Variants in DIDO1 observed in about 807,000 individuals in gnomAD.
The protein encoded by DIDO1 is death inducer-obliterator 1.
A neutral mutation model predicts 99.4 loss-of-function variants in DIDO1; 16 were observed. The observed-to-expected ratio is 0.16, with a 90% CI of 0.11 to 0.24. The LOEUF (loss-of-function observed/expected upper bound fraction) is 0.24. Ranked by LOEUF, DIDO1 falls within the 10% of genes least tolerant of loss-of-function variation. The probability of loss-of-function intolerance (pLI) is 1.00; values close to 1 mark genes in which losing one functional copy is unlikely to be tolerated. For synonymous variants in DIDO1, 1,366 were observed against 1,239.1 expected, an observed-to-expected ratio of 1.10 and a Z score of -2.15; for missense variants, 2,996 against 3,014.0, an observed-to-expected ratio of 0.99 and a Z score of 0.14.
upstream of DIDO1, among the ~76,000 whole-genome samples, chr20:62,930,166 C>T (rs2147606768): frequency 6.6e-6 from 1 of 151,946 alleles, no homozygotes; most frequent in African/African-American, 2.4e-5. Flanking sequence ...CTTGAACCCG[C>T]TGCACTCCAG....
chr20:62,911,393 C>A lies in DIDO1; in HGVS notation c.220G>T (p.Val74Leu). The A allele has an allele frequency of 6.2e-7, 1 of 1,612,266 alleles. No homozygotes were observed. The highest frequency in any genetic ancestry group is 8.5e-7 in the Non-Finnish European group (1 of 1,179,542). ...SGRQPKRTER[V>L]EQFLTIARRR... is the part of the protein sequence containing the mutation. Reference sequence around the variant, plus strand: ...CGCGCAATGGTCAGGAACTGCTCCACGCGCTCAGTGCGCTTGGGCTGCCTC... The same window carrying A: ...CGCGCAATGGTCAGGAACTGCTCCAAGCGCTCAGTGCGCTTGGGCTGCCTC... Residue 74 changes from valine to leucine, a missense_variant, in exon 3 of 16, where the codon GTG (valine) becomes TTG (leucine). Coordinates refer to ENST00000395343, the MANE Select transcript of DIDO1 (RefSeq NM_001193369.2). This position sits in a 1 kb window ranked among gnomAD's most constrained non-coding sequence, Gnocchi z 7.0.
chr20:62,920,236 A>G (rs6010788), intron 1 of DIDO1, among the ~76,000 whole-genome samples: 5,664 of 152,210 alleles, frequency 0.037, 347 homozygotes, highest in African/African-American at 0.13. Flanking sequence ...CCAGCAGGGT[A>G]CTGTGGGGGC....
At chr20:62,916,696 T>C (rs1018087192) in intron 1 of DIDO1, among the ~76,000 whole-genome samples, 4 of 152,168 alleles carry the variant, frequency 2.6e-5, no homozygotes, top group Non-Finnish European at 5.9e-5. Flanking sequence ...TCTGTTCCCA[T>C]AGAGTGTTTC....
chr20:62,931,780 G>A (rs1183241778), intron 1 of DIDO1, among the ~76,000 whole-genome samples: 3 of 152,214 alleles, frequency 2.0e-5, no homozygotes, highest in Non-Finnish European at 2.9e-5. Flanking sequence ...TGGGACCTTA[G>A]GGGTAAGGAT....
At chr20:62,919,158 C>A (rs1057101600) in intron 1 of DIDO1, among the ~76,000 whole-genome samples, 1 of 152,230 alleles carries the variant, frequency 6.6e-6, no homozygotes, top group Non-Finnish European at 1.5e-5. Flanking sequence ...ACTTTAGTAT[C>A]TATGCAGAAT....
intron 2 of DIDO1, among the ~76,000 whole-genome samples, chr20:62,912,257 G>T (rs1568873991): frequency 6.6e-6 from 1 of 152,192 alleles, no homozygotes; most frequent in South Asian, 2.1e-4. Context: ...GCTGCCAAGT[G>T]AATGACCCTC....
chr20:62,931,416 G>T (rs1157357001), upstream of DIDO1, among the ~76,000 whole-genome samples: 1 of 152,072 alleles, frequency 6.6e-6, no homozygotes. Flanking sequence ...GTTAAGTATA[G>T]GGCAAAAAAC....
chr20:62,885,245 G>A (rs894361695), intron 15 of DIDO1, among the ~76,000 whole-genome samples: 4 of 152,108 alleles, frequency 2.6e-5, no homozygotes, highest in Admixed American at 6.5e-5. Flanking sequence ...GCTAGGCCTC[G>A]GGAAGGACCC....
chr20:62,929,712 T>TATATATATATATATATATATATATATA (rs2065309849), upstream of DIDO1, among the ~76,000 whole-genome samples: 1 of 133,664 alleles, frequency 7.5e-6, no homozygotes, highest in African/African-American at 3.1e-5. Context: ...TATATATATA[T>TATATATATATATATATATATATATATA]GCCTACTGTT....
At chr20:62,934,798 C>T (rs1014499914) in intron 1 of DIDO1, among the ~76,000 whole-genome samples, 4 of 152,228 alleles carry the variant, frequency 2.6e-5, no homozygotes, top group African/African-American at 9.6e-5. Flanking sequence ...CTGGAAACTG[C>T]TAACATAGCT....
At chr20:62,890,115 A>T in intron 15 of DIDO1, 1 of 985,764 alleles carries the variant, frequency 1.0e-6, no homozygotes. Flanking sequence ...GACAGAGGGC[A>T]CTGAGGCACA....
intron 1 of DIDO1, among the ~76,000 whole-genome samples, chr20:62,925,388 C>T (rs2065232433): frequency 6.6e-6 from 1 of 152,208 alleles, no homozygotes; most frequent in Non-Finnish European, 1.5e-5. Flanking sequence ...TGTGGCCCTA[C>T]GGAAACCATG....
In DIDO1 at chr20:62,894,262, G is replaced by A. The variant is rs568476324; in HGVS notation, c.2573-68C>T. The A allele has an allele frequency of 5.7e-6, 9 of 1,582,538 alleles. No individual in the cohort carries two copies. The highest frequency in any genetic ancestry group is 2.7e-5 in the African/African-American group (2 of 74,050). On this transcript the variant is annotated intron_variant, in intron 11 of 15. Transcript: ENST00000395343. This position sits in a 1 kb window ranked among gnomAD's most constrained non-coding sequence, Gnocchi z 4.4. ...ACACTGGTGTTTCTCACACAAAGCCGAAAGCAATACTCTAAAGGCAGGGCA... is the reference window on the plus strand; with the variant it reads ...ACACTGGTGTTTCTCACACAAAGCCAAAAGCAATACTCTAAAGGCAGGGCA...
At chr20:62,921,519 G>A (rs1339226288) in intron 1 of DIDO1, among the ~76,000 whole-genome samples, 1 of 152,162 alleles carries the variant, frequency 6.6e-6, no homozygotes, top group Non-Finnish European at 1.5e-5. Context: ...TGACCAGGCA[G>A]GGATTGCCAA....
At chr20:62,909,666 G>A (rs1301096431) in intron 4 of DIDO1, 33 bp downstream of exon 4, 2 of 1,605,758 alleles carry the variant, frequency 1.2e-6, no homozygotes, top group African/African-American at 2.7e-5. Context: ...GAGGCCGACT[G>A]CTGAATGCTC....
intron 1 of DIDO1, among the ~76,000 whole-genome samples, chr20:62,936,063 G>A (rs1035743793): frequency 1.3e-5 from 2 of 152,196 alleles, no homozygotes; most frequent in Non-Finnish European, 2.9e-5. Context: ...AAGGAATGTC[G>A]CCTTAAGGCG....
At chr20:62,918,822 CTGTT>C (rs2065084131) in intron 1 of DIDO1, among the ~76,000 whole-genome samples, 1 of 145,298 alleles carries the variant, frequency 6.9e-6, no homozygotes, top group Non-Finnish European at 1.5e-5. Flanking sequence ...GCTCATCAAT[CTGTT>C]TATTATGCAG....
At chr20:62,925,915 C>G (rs1038424800) in intron 1 of DIDO1, among the ~76,000 whole-genome samples, 9 of 152,250 alleles carry the variant, frequency 5.9e-5, no homozygotes, top group Non-Finnish European at 1.3e-4. Context: ...CAGCGCCAGC[C>G]GCCCCTGCAG....
At chr20:62,929,692 AGTG>A (rs2065307295), upstream of DIDO1, among the ~76,000 whole-genome samples, 11 of 63,726 alleles carry the variant, frequency 1.7e-4, no homozygotes, top group African/African-American at 6.8e-4. Flanking sequence ...AAAAAGAAAA[AGTG>A]TATATATATA....
Sources: gnomAD v4.1 joint callset for allele counts (sites outside exome capture counted in the v4.1 genomes callset) on GRCh38, gnomAD v4.1.1 for gene constraint, Gnocchi (gnomAD v3.1) non-coding constraint, MANE v1.5 for transcripts, NCBI Gene and HGNC (gene_info 2026-07-23, HGNC 2026-07-21) for gene names.